AGTPBP1: variants seen among roughly 807,000 people sequenced by gnomAD.
The protein encoded by AGTPBP1 is ATP/GTP binding carboxypeptidase 1, also known as cytosolic carboxypeptidase 1.
In AGTPBP1, 70 loss-of-function variants were observed where a neutral mutation model predicts 143.9. That is an observed-to-expected ratio of 0.49 (90% CI 0.40 to 0.59). AGTPBP1 has a LOEUF of 0.59. Among genes scored for constraint, AGTPBP1 ranks in the 20% least tolerant of loss-of-function variants. The probability of loss-of-function intolerance (pLI) is 0.00; values close to 1 mark genes in which losing one functional copy is unlikely to be tolerated. For missense variants in AGTPBP1, 1,229 were observed against 1,464.5 expected (o/e 0.84, Z 2.62); for synonymous variants, 463 against 500.2 (o/e 0.93, Z 0.99).
the AGTPBP1 span, among the ~76,000 whole-genome samples, chr9:85,779,230 G>GATATAGATATAGAT: frequency 1.6e-4 from 14 of 86,324 alleles, no homozygotes; most frequent in African/African-American, 5.3e-4. Flanking sequence ...TATAGATATA[G>GATATAGATATAGAT]ATATAGATAT....
At chr9:85,566,515 T>G (rs10780730) in intron 25 of AGTPBP1, among the ~76,000 whole-genome samples, 88,068 of 132,356 alleles carry the variant, frequency 0.67, 29,723 homozygotes, top group African/African-American at 0.86. Context: ...GGGCAACAGA[T>G]CAAGACCATG....
At chr9:85,747,085 G>A in the AGTPBP1 span, among the ~76,000 whole-genome samples, 3 of 151,966 alleles carry the variant, frequency 2.0e-5, no homozygotes, top group African/African-American at 7.3e-5. Context: ...TTGAACTCCT[G>A]GCTTCAAGTG....
chr9:85,729,694 AAAG>A (rs1229776292), intron 1 of AGTPBP1, among the ~76,000 whole-genome samples: 1 of 152,178 alleles, frequency 6.6e-6, no homozygotes, highest in Non-Finnish European at 1.5e-5. Flanking sequence ...GCAAAAAAAA[AAAG>A]AATGACCCAA....
chr9:85,741,666 T>A (rs1324566268), intron 1 of AGTPBP1, 109 bp downstream of exon 1: 1 of 1,253,884 alleles, frequency 8.0e-7, no homozygotes, highest in African/African-American at 1.6e-5. Context: ...GGCGCAGGGA[T>A]CCGGGGTCGC....
intron 1 of AGTPBP1, among the ~76,000 whole-genome samples, chr9:85,733,007 T>A (rs558612633): frequency 5.9e-5 from 9 of 152,242 alleles, no homozygotes; most frequent in Non-Finnish European, 1.0e-4. Context: ...AAAATTAACA[T>A]AATTATGGGG....
chr9:85,633,459 C>T, intron 13 of AGTPBP1, 85 bp from the exon 14 acceptor site: 1 of 1,088,156 alleles, frequency 9.2e-7, no homozygotes, highest in Non-Finnish European at 1.2e-6. Context: ...TTATATATTG[C>T]TTCAGAAATT....
chr9:85,636,356 G>A (rs1832048832), intron 13 of AGTPBP1, among the ~76,000 whole-genome samples: 1 of 148,058 alleles, frequency 6.8e-6, no homozygotes, highest in South Asian at 2.1e-4. Flanking sequence ...CCAACTCCCT[G>A]GTTCAAGCAA....
chr9:85,559,941 GT>G (rs1212429315), intron 25 of AGTPBP1, among the ~76,000 whole-genome samples: 2 of 152,118 alleles, frequency 1.3e-5, no homozygotes, highest in African/African-American at 4.8e-5. Context: ...GTGTACTTTT[GT>G]TTTGCAATAA....
the AGTPBP1 span, chr9:85,753,443 T>G: frequency 6.2e-7 from 1 of 1,613,078 alleles, no homozygotes; most frequent in Admixed American, 1.7e-5. Flanking sequence ...ATTTAGCGTT[T>G]CCTGGTTTCT....
intron 11 of AGTPBP1, among the ~76,000 whole-genome samples, chr9:85,654,224 T>C (rs1197648007): frequency 6.6e-6 from 1 of 152,158 alleles, no homozygotes; most frequent in African/African-American, 2.4e-5. Flanking sequence ...AGAAATTCTA[T>C]TAAAAGCCAG....
At chr9:85,706,523 A>AAG (rs1554731687) in intron 2 of AGTPBP1, among the ~76,000 whole-genome samples, 11 of 150,910 alleles carry the variant, frequency 7.3e-5, no homozygotes, top group Middle Eastern at 3.3e-3. Context: ...AAAAAAAAAA[A>AAG]AAAGAAAGAA....
chr9:85,799,024 C>T, the AGTPBP1 span, among the ~76,000 whole-genome samples: 15 of 152,110 alleles, frequency 9.9e-5, 1 homozygote, highest in South Asian at 1.7e-3. Context: ...ATGTTCCCCG[C>T]CCTGTGTCCA....
At chr9:85,621,925 T>C (rs1250524649) in intron 14 of AGTPBP1, among the ~76,000 whole-genome samples, 1 of 152,162 alleles carries the variant, frequency 6.6e-6, no homozygotes, top group Non-Finnish European at 1.5e-5. Context: ...CCTAGAAGAC[T>C]AAGTCACCCA....
At position 85,546,861 on chromosome 9, in the gene AGTPBP1, T is replaced by C. The variant is rs1422612934; in HGVS notation, c.*248A>G. 1 of 288,844 alleles carries C rather than the reference T, an allele frequency of 3.5e-6. No individual in the cohort carries two copies. Among genetic ancestry groups the C allele is most frequent in the African/African-American group, 2.2e-5 (1 of 45,972 alleles). 17.9% of individuals were successfully genotyped at this position (288,844 alleles called of 1,614,324 possible). A position where few individuals can be genotyped will look rare whatever the true frequency, so the allele number is the denominator to read the frequency against. On this transcript the variant is annotated 3_prime_UTR_variant, in exon 26 of 26. Coordinates refer to ENST00000357081, the MANE Select transcript of AGTPBP1 (RefSeq NM_001330701.2). ...TCATGCAATGATACTCAGGTTTTTT[T>C]TTTAAAGGTAAATCCAATATTTGAT...
intron 1 of AGTPBP1, among the ~76,000 whole-genome samples, chr9:85,736,875 C>A (rs1478152327): frequency 6.6e-6 from 1 of 152,172 alleles, no homozygotes; most frequent in East Asian, 1.9e-4. Flanking sequence ...GGGAGGCGGA[C>A]ACAGGCGGAT....
At chr9:85,805,153 C>A in the AGTPBP1 span, among the ~76,000 whole-genome samples, 5 of 152,314 alleles carry the variant, frequency 3.3e-5, no homozygotes, top group Admixed American at 3.3e-4. Flanking sequence ...GCAGGTGGTT[C>A]TGGTCCTCTC....
chr9:85,767,348 ATT>A, the AGTPBP1 span, among the ~76,000 whole-genome samples: 352 of 105,084 alleles, frequency 3.3e-3, 2 homozygotes, highest in South Asian at 6.8e-3. Flanking sequence ...TGCCCAGCTA[ATT>A]TTTTTTTTTT....
chr9:85,631,657 T>TA (rs1020339390), intron 14 of AGTPBP1, among the ~76,000 whole-genome samples: 5 of 151,292 alleles, frequency 3.3e-5, no homozygotes, highest in South Asian at 2.1e-4. Context: ...ATGCTATAGG[T>TA]AAAAAAAAAT....
chr9:85,779,463 G>C, the AGTPBP1 span, among the ~76,000 whole-genome samples: 1 of 152,020 alleles, frequency 6.6e-6, no homozygotes, highest in Non-Finnish European at 1.5e-5. Flanking sequence ...AAAGATGTAG[G>C]CTGGGAGGCT....
Sources: allele counts gnomAD v4.1 joint callset (sites outside exome capture counted in the v4.1 genomes callset), GRCh38; gene constraint gnomAD v4.1.1; transcripts MANE v1.5; gene names NCBI Gene and HGNC (gene_info 2026-07-23, HGNC 2026-07-21).